Variants in MTIF2 observed in about 807,000 individuals in gnomAD.
The protein encoded by MTIF2 is mitochondrial translational initiation factor 2.
In MTIF2, 71 loss-of-function variants were observed where a neutral mutation model predicts 83.5. The ratio of observed to expected loss-of-function variants is 0.85; its 90% confidence interval spans 0.70 to 1.04. MTIF2 has a LOEUF of 1.04. Among genes scored for constraint, MTIF2 ranks in the 50% least tolerant of loss-of-function variants. The pLI is 0.00. For missense variants in MTIF2, 957 were observed against 846.5 expected, an observed-to-expected ratio of 1.13 and a Z score of -1.62; for synonymous variants, 319 against 287.1, an observed-to-expected ratio of 1.11 and a Z score of -1.12.
intron 9 of MTIF2, 119 bp from the exon 10 acceptor site, chr2:55,246,580 T>TGCTTTCAA: frequency 1.2e-6 from 1 of 818,356 alleles, no homozygotes; most frequent in Non-Finnish European, 1.9e-6. Flanking sequence ...TCTTTAATCA[T>TGCTTTCAA]TGAAAGCATG....
In MTIF2 at chr2:55,262,320, G is replaced by GT; in HGVS notation, c.326dup (p.Asn109LysfsTer7). 1 of 1,606,356 alleles carries GT rather than the reference G, an allele frequency of 6.2e-7. No homozygotes were observed. The highest frequency in any genetic ancestry group is 8.5e-7 in the Non-Finnish European group (1 of 1,174,458). ...TTGTAAAAATATCTGACTCACCTGT[G>GT]TTTTTTTCCATTGCCCTGGCCAGTT... On this transcript the variant is annotated frameshift_variant, in exon 5 of 16. Coordinates refer to ENST00000263629, the MANE Select transcript of MTIF2 (RefSeq NM_002453.3). LOFTEE classifies it high-confidence loss of function.
chr2:55,254,630 C>T (rs199645491), intron 6 of MTIF2, 24 bp downstream of exon 6: 6 of 1,541,424 alleles, frequency 3.9e-6, no homozygotes, highest in Non-Finnish European at 5.2e-6. Flanking sequence ...CCAAACCCTG[C>T]CAGTATATAC....
chr2:55,263,994 G>T, intron 3 of MTIF2, 129 bp from the exon 4 acceptor site: 1 of 684,354 alleles, frequency 1.5e-6, no homozygotes, highest in Admixed American at 2.8e-5. Context: ...GTAAAACTGG[G>T]TTCCTGCCCT....
intron 5 of MTIF2, among the ~76,000 whole-genome samples, chr2:55,256,327 C>T (rs376707638): frequency 4.8e-5 from 6 of 124,370 alleles, no homozygotes; most frequent in African/African-American, 1.6e-4. Flanking sequence ...CACACACACA[C>T]AATATATATC....
chr2:55,252,533 T>A lies in MTIF2; in HGVS notation c.785A>T (p.Asp262Val). ...TDIVVLVVAA[D>V]DGVMKQTVES... Reference sequence around the variant, plus strand: ...TACAGTTTGTTTCATCACTCCATCATCTGCAGCTACAACCAATACGACAAT... The same window carrying A: ...TACAGTTTGTTTCATCACTCCATCAACTGCAGCTACAACCAATACGACAAT... The change falls in exon 8 of 16, where the codon GAT (aspartate) becomes GTT (valine). Residue 262 changes from aspartate to valine, a missense_variant. Transcript: ENST00000263629. 6.2e-7 allele frequency: 1 copy of A among 1,614,186 alleles called. No homozygotes were observed.
chr2:55,249,525 A>T lies in MTIF2; in HGVS notation c.851T>A (p.Ile284Asn). ...QHAKDAQVPIILAVNKCDKAE... is the reference protein window; with the variant it reads ...QHAKDAQVPINLAVNKCDKAE... ...TTTGTCACATTTATTTACGGCAAGG[A>T]TAATAGGAACTGAAAGAAATGGAGT... Residue 284 changes from isoleucine to asparagine, a missense_variant, in exon 9 of 16, where the codon ATC becomes AAC. Around this residue, in one of 3 missense-constraint regions of MTIF2, gnomAD observed 733 missense variants for 648.7 expected, o/e 1.13. Transcript: ENST00000263629. The T allele has an allele frequency of 6.2e-7, 1 of 1,613,578 alleles. No homozygotes were observed. Among genetic ancestry groups the T allele is most frequent in the Non-Finnish European group, 8.5e-7 (1 of 1,179,872 alleles).
chr2:55,249,010 C>T lies in MTIF2; in HGVS notation c.981+385G>A, dbSNP rs190280079. Among the ~76,000 whole-genome samples, 413 of 152,184 alleles carry T rather than the reference C, an allele frequency of 2.7e-3. 1 individual carries two copies. The highest frequency in any genetic ancestry group is 9.7e-3 in the African/African-American group (401 of 41,518). ...AAATTAGCTAGGCATGGGGTGGCAC[C>T]TGCCTGTAGCCCCAACTACTCAAGA... On this transcript the variant is annotated intron_variant, in intron 9 of 15. Coordinates refer to ENST00000263629, the MANE Select transcript of MTIF2 (RefSeq NM_002453.3).
At position 55,237,432 on chromosome 2, in the gene MTIF2, T is replaced by C. The variant is rs1439511460; in HGVS notation, c.1871-4A>G. 6.3e-7 allele frequency: 1 copy of C among 1,595,614 alleles called. No individual in the cohort carries two copies. Among genetic ancestry groups the C allele is most frequent in the Non-Finnish European group, 8.5e-7 (1 of 1,174,306 alleles). On this transcript the variant is annotated splice_region_variant and splice_polypyrimidine_tract_variant and intron_variant, in intron 14 of 15. Coordinates refer to ENST00000263629, the MANE Select transcript of MTIF2 (RefSeq NM_002453.3). Reference sequence around the variant, plus strand: ...GTAGCTAGTATAGATGCCTCACCTTTAGGAAGAAGAGAACATTAATGTGCA... The same window carrying C: ...GTAGCTAGTATAGATGCCTCACCTTCAGGAAGAAGAGAACATTAATGTGCA...
intron 6 of MTIF2, 93 bp from the exon 7 acceptor site, chr2:55,254,294 T>C (rs529612497): frequency 7.2e-7 from 1 of 1,385,922 alleles, no homozygotes; most frequent in African/African-American, 1.5e-5. Context: ...TGAACTACCA[T>C]TAACAATAAA....
In MTIF2 at chr2:55,263,751, C is replaced by T. The variant is rs1391819620; in HGVS notation, c.108G>A (p.Gly36=). The change falls in exon 4 of 16, where the codon GGG becomes GGA. Residue 36 remains glycine (G), a synonymous_variant. Transcript: ENST00000263629. The part of the protein sequence containing the change: ...QRRALRQWRH[G]FSSAYPVWTA... ...TCCACACAGGGTAAGCAGATGAAAACCCATGCCTCCACTGTCTTAATGCTC... is the reference window on the plus strand; with the variant it reads ...TCCACACAGGGTAAGCAGATGAAAATCCATGCCTCCACTGTCTTAATGCTC... 3 of 1,614,136 alleles carry T rather than the reference C, an allele frequency of 1.9e-6. No individual in the cohort carries two copies. The highest frequency in any genetic ancestry group is 2.2e-5 in the East Asian group (1 of 44,890).
rs886388957 is a variant in MTIF2 at position 55,246,579 on chromosome 2, A to G, written c.982-118T>C. On this transcript the variant is annotated intron_variant, in intron 9 of 15. Coordinates refer to ENST00000263629, the MANE Select transcript of MTIF2 (RefSeq NM_002453.3). Reference sequence around the variant, plus strand: ...TTATATTATACTTTTCTCTTTAATCATTGAAAGCATGATTACTCAATTTAA... The same window carrying G: ...TTATATTATACTTTTCTCTTTAATCGTTGAAAGCATGATTACTCAATTTAA... 4 of 820,220 alleles carry G rather than the reference A, an allele frequency of 4.9e-6. No homozygotes were observed. In the African/African-American group the frequency reaches 6.9e-5, roughly 14 times the overall value. The allele number at this position is 820,220 out of a possible 1,614,324, so 50.8% of individuals were successfully genotyped here.
chr2:55,256,426 G>T (rs1573901455), intron 5 of MTIF2, among the ~76,000 whole-genome samples: 1 of 151,404 alleles, frequency 6.6e-6, no homozygotes, highest in African/African-American at 2.4e-5. Flanking sequence ...AAAAATTTTT[G>T]GCCAGGCACG....
rs577097964 is a variant in MTIF2 at position 55,237,222 on chromosome 2, T to C, written c.2011+66A>G. 3.0e-5 allele frequency: 45 copies of C among 1,481,956 alleles called. No homozygotes were observed. The African/African-American group carries it at 5.8e-4, about 19-fold the overall frequency. The allele number at this position is 1,481,956 out of a possible 1,614,324, so 91.8% of individuals were successfully genotyped here. A position where few individuals can be genotyped will look rare whatever the true frequency, so the allele number is the denominator to read the frequency against. ...GCATGAAAGATGAACAGATTTCAGATGGTTATATAGTCAACAGGTCTTGGT... is the reference window on the plus strand; with the variant it reads ...GCATGAAAGATGAACAGATTTCAGACGGTTATATAGTCAACAGGTCTTGGT... On this transcript the variant is annotated intron_variant, in intron 15 of 15. Coordinates refer to ENST00000263629, the MANE Select transcript of MTIF2 (RefSeq NM_002453.3).
In MTIF2 at chr2:55,249,412, G is replaced by A. The variant is rs770542280; in HGVS notation, c.964C>T (p.Pro322Ser). ...EDYGGDVQAV[P>S]VSALTGDNLM... ...GCATTTACCGTAAGTGCGGAGACAGGCACTGCTTGAACATCACCTCCATAA... is the reference window on the plus strand; with the variant it reads ...GCATTTACCGTAAGTGCGGAGACAGACACTGCTTGAACATCACCTCCATAA... Residue 322 changes from proline (P) to serine (S), a missense_variant, in exon 9 of 16, where the codon CCT becomes TCT. Pro to Ser is a moderately conservative substitution (Grantham distance 74). Transcript: ENST00000263629. 7.4e-6 allele frequency: 12 copies of A among 1,614,000 alleles called. No homozygotes were observed. In the Admixed American group the frequency reaches 1.8e-4, roughly 25 times the overall value.
intron 14 of MTIF2, among the ~76,000 whole-genome samples, chr2:55,237,774 C>G (rs766763773): frequency 4.6e-5 from 7 of 150,650 alleles, no homozygotes; most frequent in Non-Finnish European, 1.0e-4. Flanking sequence ...CCTCAGCCTC[C>G]CGAGTAGCTG....
In MTIF2 at chr2:55,236,743, C is replaced by G. The variant is rs1291745611; in HGVS notation, c.2089G>C (p.Asp697His). Residue 697 changes from aspartate (D) to histidine (H), a missense_variant, in exon 16 of 16, where the codon GAT becomes CAT. Physicochemically the swap from Asp to His is moderately conservative, Grantham distance 81 (BLOSUM62 -1). Transcript: ENST00000263629. ...ACTTGAAATTCCATATTGTCTTCATCTAAACTGAGACCACAATCCATTCCC... is the reference window on the plus strand; with the variant it reads ...ACTTGAAATTCCATATTGTCTTCATGTAAACTGAGACCACAATCCATTCCC... ...KTGMDCGLSL[D>H]EDNMEFQVGD... is the part of the protein sequence containing the mutation. 1 of 1,612,114 alleles carries G rather than the reference C, an allele frequency of 6.2e-7. No individual in the cohort carries two copies. The highest frequency in any genetic ancestry group is 1.7e-5 in the Admixed American group (1 of 59,590).
At chr2:55,249,350 C>A (rs768859999) in intron 9 of MTIF2, 45 bp downstream of exon 9, 2 of 1,605,138 alleles carry the variant, frequency 1.2e-6, no homozygotes, top group Admixed American at 3.4e-5. Context: ...GCATTATGTA[C>A]AGCATTCCCA....
At chr2:55,249,363 C>A in intron 9 of MTIF2, 32 bp downstream of exon 9, 2 of 1,609,742 alleles carry the variant, frequency 1.2e-6, no homozygotes, top group Non-Finnish European at 1.7e-6. Flanking sequence ...CATTCCCATC[C>A]AGGCATATTT....
Position 55,263,822 on chromosome 2 carries a change from G to A in MTIF2, c.37C>T (p.Arg13Ter), listed in dbSNP as rs764612147. 6.2e-6 allele frequency: 10 copies of A among 1,613,818 alleles called. No homozygotes were observed. The South Asian group carries it at 6.6e-5, about 11-fold the overall frequency. ...QKLLKLENLL[R>*]FHTIYRQLHS... ...AGTTGCCTATAAATAGTGTGAAATC[G>A]TAGCAAGTTCTCCAACTTCAGTAGC... Residue 13 changes from arginine (R) to a stop codon, truncating the protein, a stop_gained, in exon 4 of 16, where the codon CGA becomes TGA. Transcript: ENST00000263629. LOFTEE classifies it high-confidence loss of function.
Sources: allele counts gnomAD v4.1 joint callset (sites outside exome capture counted in the v4.1 genomes callset), GRCh38; gene constraint gnomAD v4.1.1; regional missense constraint gnomAD v4.1.1; transcripts MANE v1.5; gene names NCBI Gene and HGNC (gene_info 2026-07-23, HGNC 2026-07-21).